CNTN1: variants seen among roughly 807,000 people sequenced by gnomAD.
CNTN1 encodes the protein contactin 1, also known as contactin-1.
CNTN1 carries 38 observed loss-of-function variants against 126.4 expected under a neutral mutation model. The ratio of observed to expected loss-of-function variants is 0.30; its 90% CI spans 0.23 to 0.39. CNTN1 has a LOEUF of 0.39. CNTN1 is among the 10% of genes least tolerant of loss of function. The pLI, the probability that CNTN1 is intolerant of heterozygous loss-of-function variation, is 1.00. For missense variants in CNTN1, 1,009 were observed against 1,248.4 expected, an observed-to-expected ratio of 0.81 and a Z score of 2.89; for synonymous variants, 413 against 422.6, an observed-to-expected ratio of 0.98 and a Z score of 0.28.
At chr12:40,947,374 T>A (rs1474501771) in intron 14 of CNTN1, among the ~76,000 whole-genome samples, 5 of 152,068 alleles carry the variant, frequency 3.3e-5, no homozygotes, top group Non-Finnish European at 7.4e-5. Context: ...TTCTTTTATT[T>A]TGTTGATGTT....
chr12:40,734,838 C>G (rs17539379), intron 1 of CNTN1, among the ~76,000 whole-genome samples: 2 of 151,948 alleles, frequency 1.3e-5, no homozygotes, highest in Admixed American at 1.3e-4. Flanking sequence ...GGTCAGGAAA[C>G]CTTGAAGGAA....
chr12:40,843,991 G>T (rs1000740270), intron 1 of CNTN1, among the ~76,000 whole-genome samples: 1 of 151,300 alleles, frequency 6.6e-6, no homozygotes, highest in Admixed American at 6.6e-5. Context: ...TGAGACTTTT[G>T]CAGGAGTGCG....
chr12:40,907,982 G>A (rs1944891859), intron 1 of CNTN1, among the ~76,000 whole-genome samples: 1 of 152,106 alleles, frequency 6.6e-6, no homozygotes, highest in Admixed American at 6.5e-5. Context: ...TAAAGTGAAT[G>A]ATATCAAAAT....
intron 14 of CNTN1, among the ~76,000 whole-genome samples, chr12:40,956,178 C>A (rs1946872705): frequency 6.6e-6 from 1 of 152,032 alleles, no homozygotes; most frequent in Non-Finnish European, 1.5e-5. Context: ...TTGACAAGTT[C>A]ATTCAAACAA....
At chr12:41,041,912 T>A (rs1184671370) in intron 23 of CNTN1, among the ~76,000 whole-genome samples, 1 of 152,146 alleles carries the variant, frequency 6.6e-6, no homozygotes, top group Non-Finnish European at 1.5e-5. Flanking sequence ...TGTCTCTATT[T>A]CCTTCAGTTC....
At chr12:40,847,013 G>A (rs900282183) in intron 1 of CNTN1, among the ~76,000 whole-genome samples, 3 of 152,192 alleles carry the variant, frequency 2.0e-5, no homozygotes, top group East Asian at 3.9e-4. Flanking sequence ...GGTTACGGGC[G>A]TGTGCCACCA....
At chr12:40,891,142 T>C (rs551368434) in intron 1 of CNTN1, among the ~76,000 whole-genome samples, 17 of 152,294 alleles carry the variant, frequency 1.1e-4, no homozygotes, top group African/African-American at 4.1e-4. Flanking sequence ...CTTCATATAT[T>C]GATTTGCCAT....
chr12:41,067,482 C>G (rs568104253), intron 23 of CNTN1, among the ~76,000 whole-genome samples: 9 of 152,144 alleles, frequency 5.9e-5, no homozygotes. Context: ...ACAAAAAAGG[C>G]TTCAGAATGA....
intron 1 of CNTN1, among the ~76,000 whole-genome samples, chr12:40,736,827 A>G (rs868864614): frequency 1.9e-4 from 29 of 152,210 alleles, no homozygotes; most frequent in Middle Eastern, 6.8e-3. Context: ...ACAAACAAAC[A>G]AAGGAAAAAC....
intron 1 of CNTN1, among the ~76,000 whole-genome samples, chr12:40,842,065 A>G (rs1942306388): frequency 2.0e-5 from 3 of 152,104 alleles, no homozygotes; most frequent in Admixed American, 6.6e-5. Flanking sequence ...TTGAAAAATA[A>G]GCCACTCATA....
In CNTN1 at chr12:40,936,843, T is replaced by G; in HGVS notation, c.1048T>G (p.Trp350Gly). The G allele has an allele frequency of 1.9e-6, 3 of 1,613,364 alleles. No individual in the cohort carries two copies. The highest frequency in any genetic ancestry group is 2.5e-6 in the Non-Finnish European group (3 of 1,179,428). The change falls in exon 10 of 24, where the codon TGG becomes GGG. Residue 350 changes from tryptophan to glycine, a missense_variant. Transcript: ENST00000551295. ...TEVDIGSDLY[W>G]PCVATGKPIP... Reference sequence around the variant, plus strand: ...GGTGGACATAGGCAGTGATCTCTACTGGCCTTGTGTGGCCACAGGAAAGCC... The same window carrying G: ...GGTGGACATAGGCAGTGATCTCTACGGGCCTTGTGTGGCCACAGGAAAGCC...
At chr12:40,988,117 T>C (rs1948009650) in intron 16 of CNTN1, among the ~76,000 whole-genome samples, 1 of 152,136 alleles carries the variant, frequency 6.6e-6, no homozygotes, top group Admixed American at 6.6e-5. Flanking sequence ...GCCTAACCTA[T>C]GGCTCCTTCC....
chr12:41,000,221 A>G (rs1948322784), intron 17 of CNTN1, among the ~76,000 whole-genome samples: 1 of 152,212 alleles, frequency 6.6e-6, no homozygotes, highest in African/African-American at 2.4e-5. Flanking sequence ...TTTCAGTAAA[A>G]TGCTTTAACA....
chr12:40,826,361 A>C (rs1941614149), intron 1 of CNTN1, among the ~76,000 whole-genome samples: 1 of 152,226 alleles, frequency 6.6e-6, no homozygotes, highest in Non-Finnish European at 1.5e-5. Flanking sequence ...GAAGAGAGAA[A>C]TATTATAAAA....
At chr12:40,817,746 A>G (rs116521802) in intron 1 of CNTN1, among the ~76,000 whole-genome samples, 3,443 of 151,704 alleles carry the variant, frequency 0.023, 125 homozygotes, top group African/African-American at 0.078. Flanking sequence ...AGTTGATGTA[A>G]TTTCTTTGTA....
chr12:40,792,923 G>A (rs1940272775), intron 1 of CNTN1, among the ~76,000 whole-genome samples: 2 of 152,082 alleles, frequency 1.3e-5, no homozygotes, highest in Non-Finnish European at 2.9e-5. Flanking sequence ...ACAGACCACA[G>A]GAATAGCTCT....
At chr12:40,769,116 G>C (rs1223799080) in intron 1 of CNTN1, among the ~76,000 whole-genome samples, 1 of 151,898 alleles carries the variant, frequency 6.6e-6, no homozygotes, top group African/African-American at 2.4e-5. Flanking sequence ...TACAAAGTCA[G>C]ATATACCATA....
At chr12:40,737,046 C>T (rs1448034852) in intron 1 of CNTN1, among the ~76,000 whole-genome samples, 1 of 151,742 alleles carries the variant, frequency 6.6e-6, no homozygotes, top group East Asian at 1.9e-4. Context: ...AGAACACAGA[C>T]CAATTGCTAA....
At chr12:40,737,864 C>T (rs1371108894) in intron 1 of CNTN1, among the ~76,000 whole-genome samples, 2 of 151,898 alleles carry the variant, frequency 1.3e-5, no homozygotes, top group Non-Finnish European at 2.9e-5. Context: ...AAAAGACTAG[C>T]AACTAGAATG....
Sources: gnomAD v4.1 joint callset for allele counts (sites outside exome capture counted in the v4.1 genomes callset) on GRCh38, gnomAD v4.1.1 for gene constraint, MANE v1.5 for transcripts, NCBI Gene and HGNC (gene_info 2026-07-23, HGNC 2026-07-21) for gene names.